The following NRXN3 variants were observed in gnomAD, a reference collection of about 807,000 sequenced individuals.
The protein encoded by NRXN3 is neurexin III.
A neutral mutation model predicts 137.6 loss-of-function variants in NRXN3; 32 were observed. That is an observed-to-expected ratio of 0.23 (90% CI 0.18 to 0.31). NRXN3 has a LOEUF of 0.31. Among genes scored for constraint, NRXN3 ranks in the 10% least tolerant of loss-of-function variants. The pLI, the probability that NRXN3 is intolerant of heterozygous loss-of-function variation, is 1.00. For missense variants in NRXN3, 1,574 were observed against 2,062.5 expected (o/e 0.76, Z 4.59); for synonymous variants, 798 against 784.5 (o/e 1.02, Z -0.29).
chr14:79,865,475 T>A lies in NRXN3; in HGVS notation c.*3511T>A, dbSNP rs550673297. ...ACCAGTTTTCAAAGAGTTAGAATTT[T>A]AAAAATATATATTTAGTTAAGCCTG... On this transcript the variant is annotated 3_prime_UTR_variant, in exon 21 of 21. Transcript: ENST00000335750. The A allele has an allele frequency of 2.6e-5, 4 of 152,356 alleles. No homozygotes were observed. The highest frequency in any genetic ancestry group is 1.3e-4 in the Admixed American group (2 of 15,308). The allele number at this position is 152,356 out of a possible 1,614,324, so 9.4% of individuals were successfully genotyped here. A position where few individuals can be genotyped will look rare whatever the true frequency, so the allele number is the denominator to read the frequency against.
At chr14:79,293,530 T>TTAGTCTCTTTC in intron 15 of NRXN3, among the ~76,000 whole-genome samples, 1 of 152,370 alleles carries the variant, frequency 6.6e-6, no homozygotes, top group East Asian at 1.9e-4. Context: ...GCTTCGCTGT[T>TTAGTCTCTTTC]TAGTCTCTTT....
intron 15 of NRXN3, among the ~76,000 whole-genome samples, chr14:79,143,810 G>A (rs2061925): frequency 0.98 from 149,684 of 152,314 alleles, 73,604 homozygotes; most frequent in Middle Eastern, 1. Flanking sequence ...CTAGATATAG[G>A]TGCATGAAAA....
At chr14:79,760,053 C>G (rs565785557) in intron 19 of NRXN3, among the ~76,000 whole-genome samples, 1 of 151,622 alleles carries the variant, frequency 6.6e-6, no homozygotes, top group Non-Finnish European at 1.5e-5. Context: ...CTGCCTACAG[C>G]TTTCAAATAC....
At chr14:78,804,234 G>A (rs1352155031) in intron 9 of NRXN3, among the ~76,000 whole-genome samples, 1 of 152,164 alleles carries the variant, frequency 6.6e-6, no homozygotes, top group Non-Finnish European at 1.5e-5. Context: ...AAATGTTGAT[G>A]GTGGGGTTGT....
chr14:78,471,809 GCA>G (rs1415835533), intron 4 of NRXN3, among the ~76,000 whole-genome samples: 1 of 152,202 alleles, frequency 6.6e-6, no homozygotes, highest in Non-Finnish European at 1.5e-5. Context: ...GTGAAACAAT[GCA>G]AAGGGACACT....
At chr14:79,446,060 A>T (rs772268729) in intron 15 of NRXN3, among the ~76,000 whole-genome samples, 11 of 152,224 alleles carry the variant, frequency 7.2e-5, no homozygotes, top group Non-Finnish European at 1.3e-4. Flanking sequence ...TTCAGCAGTG[A>T]CTATGACAGG....
intron 10 of NRXN3, among the ~76,000 whole-genome samples, chr14:78,882,251 C>T (rs1294265424): frequency 6.6e-6 from 1 of 151,682 alleles, no homozygotes; most frequent in Non-Finnish European, 1.5e-5. Context: ...GGGTTGGAGC[C>T]CCCACACGGA....
intron 4 of NRXN3, among the ~76,000 whole-genome samples, chr14:78,461,217 A>G (rs1048291780): frequency 1.3e-5 from 2 of 152,238 alleles, no homozygotes; most frequent in African/African-American, 4.8e-5. Context: ...TGCTTTGTTA[A>G]TTAACATTGT....
chr14:78,966,046 C>G lies in NRXN3; in HGVS notation c.2417C>G (p.Thr806Ser). ...ACAGGTACAATGGTGGGAGACCATACCCGTTTGGAGTTCCACAACATTGAA... is the reference window on the plus strand; with the variant it reads ...ACAGGTACAATGGTGGGAGACCATAGCCGTTTGGAGTTCCACAACATTGAA... ...VAEGTMVGDH[T>S]RLEFHNIETG... Residue 806 changes from threonine to serine, a missense_variant, in exon 12 of 21, where the codon ACC becomes AGC. Physicochemically the swap from Thr to Ser is moderately conservative, Grantham distance 58. Coordinates refer to ENST00000335750, the MANE Select transcript of NRXN3 (RefSeq NM_001330195.2). 3 of 1,614,088 alleles carry G rather than the reference C, an allele frequency of 1.9e-6. No homozygotes were observed. The highest frequency in any genetic ancestry group is 2.5e-6 in the Non-Finnish European group (3 of 1,179,980).
intron 20 of NRXN3, among the ~76,000 whole-genome samples, chr14:79,807,699 A>T (rs1383354290): frequency 6.6e-6 from 1 of 152,208 alleles, no homozygotes; most frequent in Non-Finnish European, 1.5e-5. Flanking sequence ...AGATAAAGTG[A>T]GTGACAGAAC....
intron 6 of NRXN3, among the ~76,000 whole-genome samples, chr14:78,685,907 C>A (rs1183631122): frequency 6.6e-6 from 1 of 151,874 alleles, no homozygotes; most frequent in South Asian, 2.1e-4. Context: ...CCTCGGCCTC[C>A]CAAAGTGCTG....
At chr14:79,220,406 C>A (rs1469523362) in intron 15 of NRXN3, among the ~76,000 whole-genome samples, 1 of 152,204 alleles carries the variant, frequency 6.6e-6, no homozygotes, top group East Asian at 1.9e-4. Context: ...CCATCAGGAG[C>A]ATTCCATGCC....
chr14:79,204,666 ACT>A (rs1212413444), intron 15 of NRXN3, among the ~76,000 whole-genome samples: 1 of 152,048 alleles, frequency 6.6e-6, no homozygotes, highest in Admixed American at 6.6e-5. Context: ...TTGTGGGCTG[ACT>A]CCAGTGGCTG....
chr14:79,787,341 C>T lies in NRXN3; in HGVS notation c.4015-17771C>T, dbSNP rs147730723. 5.2e-3 allele frequency among the ~76,000 whole-genome samples: 788 copies of T among 152,188 alleles called. 6 individuals carry two copies. Among genetic ancestry groups the T allele is most frequent in the Non-Finnish European group, 7.9e-3 (536 of 68,016 alleles). On this transcript the variant is annotated intron_variant, in intron 19 of 20. Transcript: ENST00000335750. ...TCTATATTCATTGTGGAATGATCAACCCAGGATAATTAACATACTCATCAC... is the reference window on the plus strand; with the variant it reads ...TCTATATTCATTGTGGAATGATCAATCCAGGATAATTAACATACTCATCAC...
chr14:79,321,499 C>A (rs2090010996), intron 15 of NRXN3, among the ~76,000 whole-genome samples: 1 of 152,008 alleles, frequency 6.6e-6, no homozygotes, highest in Admixed American at 6.6e-5. Context: ...AAAATAAGGA[C>A]ATTCTATTTT....
chr14:79,182,134 A>G (rs1256849079), intron 15 of NRXN3, among the ~76,000 whole-genome samples: 1 of 152,138 alleles, frequency 6.6e-6, no homozygotes, highest in Non-Finnish European at 1.5e-5. Flanking sequence ...TGTCCTTATT[A>G]ATACTTACTG....
intron 4 of NRXN3, among the ~76,000 whole-genome samples, chr14:78,508,311 A>G (rs1450545418): frequency 2.0e-5 from 3 of 152,220 alleles, no homozygotes; most frequent in Non-Finnish European, 4.4e-5. Flanking sequence ...AGTCACACCA[A>G]GGTTTACTCA....
chr14:78,485,090 A>G (rs895059248), intron 4 of NRXN3, among the ~76,000 whole-genome samples: 1 of 152,166 alleles, frequency 6.6e-6, no homozygotes, highest in Non-Finnish European at 1.5e-5. Flanking sequence ...TCTCAAGGCT[A>G]CAGTATTATA....
intron 10 of NRXN3, among the ~76,000 whole-genome samples, chr14:78,857,807 G>C (rs1020639649): frequency 1.3e-5 from 2 of 151,972 alleles, no homozygotes; most frequent in Non-Finnish European, 2.9e-5. Context: ...AATTAGAGGT[G>C]GTGGGGAAAA....
Sources: gnomAD v4.1 joint callset for allele counts (sites outside exome capture counted in the v4.1 genomes callset) on GRCh38, gnomAD v4.1.1 for gene constraint, MANE v1.5 for transcripts, NCBI Gene and HGNC (gene_info 2026-07-23, HGNC 2026-07-21) for gene names.